The following GRM7 variants were observed in gnomAD, a reference collection of about 807,000 sequenced individuals.
GRM7 encodes the protein metabotropic glutamate receptor 7.
GRM7 carries 35 observed loss-of-function variants against 84.5 expected under a neutral mutation model. The observed-to-expected ratio is 0.41, with a 90% CI of 0.32 to 0.55. GRM7 has a LOEUF of 0.55. Among genes scored for constraint, GRM7 ranks in the 20% least tolerant of loss-of-function variants. The probability of loss-of-function intolerance (pLI) is 0.19; values close to 1 mark genes in which losing one functional copy is unlikely to be tolerated. For missense variants in GRM7, 1,003 were observed against 1,194.6 expected, an observed-to-expected ratio of 0.84 and a Z score of 2.36; for synonymous variants, 487 against 455.1, an observed-to-expected ratio of 1.07 and a Z score of -0.89.
intron 4 of GRM7, among the ~76,000 whole-genome samples, chr3:7,401,916 G>A (rs1695468916): frequency 6.6e-6 from 1 of 152,076 alleles, no homozygotes; most frequent in South Asian, 2.1e-4. Flanking sequence ...AAAAAGGAGG[G>A]GTGTTGATTT....
intron 4 of GRM7, among the ~76,000 whole-genome samples, chr3:7,324,080 A>G (rs1700888578): frequency 6.6e-6 from 1 of 152,142 alleles, no homozygotes; most frequent in Non-Finnish European, 1.5e-5. Context: ...CAAGGAAACC[A>G]GTACTGTGTG....
intron 1 of GRM7, among the ~76,000 whole-genome samples, chr3:6,882,347 T>A (rs1301952687): frequency 6.6e-6 from 1 of 152,160 alleles, no homozygotes; most frequent in African/African-American, 2.4e-5. Context: ...AAAAGTAGCA[T>A]AAACTCATTG....
At chr3:7,616,241 A>C (rs1697074448) in intron 8 of GRM7, among the ~76,000 whole-genome samples, 1 of 152,138 alleles carries the variant, frequency 6.6e-6, no homozygotes, top group Non-Finnish European at 1.5e-5. Flanking sequence ...AAGCTTCTTA[A>C]ATGAAAACTA....
intron 4 of GRM7, among the ~76,000 whole-genome samples, chr3:7,409,557 C>T (rs1695825641): frequency 6.6e-6 from 1 of 150,892 alleles, no homozygotes; most frequent in African/African-American, 2.5e-5. Flanking sequence ...GCTGCTTTCC[C>T]AACTTCTCTG....
chr3:7,014,211 C>T (rs1355467297), intron 1 of GRM7, among the ~76,000 whole-genome samples: 2 of 152,172 alleles, frequency 1.3e-5, no homozygotes, highest in African/African-American at 4.8e-5. Context: ...CTCTGGACAG[C>T]ATCATCACAA....
intron 8 of GRM7, among the ~76,000 whole-genome samples, chr3:7,606,616 C>G (rs982103539): frequency 6.6e-6 from 1 of 152,174 alleles, no homozygotes; most frequent in Non-Finnish European, 1.5e-5. Context: ...TCACTGCAAC[C>G]TCTGCCTCCT....
intron 7 of GRM7, among the ~76,000 whole-genome samples, chr3:7,574,352 G>A (rs372745316): frequency 2.0e-5 from 3 of 152,044 alleles, no homozygotes; most frequent in African/African-American, 7.2e-5. Context: ...TAGAGGCAGG[G>A]TTTCACTATG....
intron 8 of GRM7, among the ~76,000 whole-genome samples, chr3:7,656,577 A>ACACACC (rs71043685): frequency 6.6e-6 from 1 of 150,876 alleles, no homozygotes; most frequent in Non-Finnish European, 1.5e-5. Flanking sequence ...ACACACACAC[A>ACACACC]AAGTGTGCTG....
chr3:6,946,409 A>G (rs1024037582), intron 1 of GRM7, among the ~76,000 whole-genome samples: 1 of 152,084 alleles, frequency 6.6e-6, no homozygotes, highest in Non-Finnish European at 1.5e-5. Context: ...GTTATGTTCC[A>G]TTGGTCTATA....
intron 1 of GRM7, among the ~76,000 whole-genome samples, chr3:6,964,305 T>A (rs539116877): frequency 4.5e-4 from 68 of 152,244 alleles, no homozygotes; most frequent in African/African-American, 1.6e-3. Flanking sequence ...AGGGCCCTTT[T>A]CTGAGTTGCA....
At chr3:7,272,293 A>C (rs1194422915) in intron 2 of GRM7, among the ~76,000 whole-genome samples, 1 of 152,136 alleles carries the variant, frequency 6.6e-6, no homozygotes, top group African/African-American at 2.4e-5. Flanking sequence ...CATTTTCCAC[A>C]AGAGTAACTG....
intron 2 of GRM7, among the ~76,000 whole-genome samples, chr3:7,184,948 A>G (rs1340340384): frequency 1.3e-5 from 2 of 152,180 alleles, no homozygotes; most frequent in Non-Finnish European, 1.5e-5. Context: ...GGCAAATTTT[A>G]TTATTTTCTG....
At chr3:7,347,651 A>G (rs1289474099) in intron 4 of GRM7, among the ~76,000 whole-genome samples, 1 of 152,168 alleles carries the variant, frequency 6.6e-6, no homozygotes, top group East Asian at 1.9e-4. Flanking sequence ...AGGCTTTCCC[A>G]AATTTGCCTT....
intron 1 of GRM7, among the ~76,000 whole-genome samples, chr3:6,947,430 T>G (rs1419006521): frequency 1.1e-4 from 16 of 152,226 alleles, no homozygotes; most frequent in Admixed American, 1.0e-3. Context: ...ATAAGCTTTT[T>G]GATGTGCTGC....
At chr3:6,981,785 T>C (rs1026086589) in intron 1 of GRM7, among the ~76,000 whole-genome samples, 2 of 151,410 alleles carry the variant, frequency 1.3e-5, no homozygotes. Flanking sequence ...TATTAGAACA[T>C]CAAAAAAACA....
chr3:7,653,945 G>T (rs961704586), intron 8 of GRM7, among the ~76,000 whole-genome samples: 4 of 152,128 alleles, frequency 2.6e-5, no homozygotes, highest in Non-Finnish European at 1.5e-5. Context: ...AAATCCTGCT[G>T]GCACCCCTGC....
At chr3:7,187,743 T>C (rs1695570086) in intron 2 of GRM7, among the ~76,000 whole-genome samples, 1 of 152,190 alleles carries the variant, frequency 6.6e-6, no homozygotes, top group Non-Finnish European at 1.5e-5. Context: ...GGTCATTGGG[T>C]CATTGACATG....
intron 1 of GRM7, among the ~76,000 whole-genome samples, chr3:7,023,913 C>T (rs1030489408): frequency 6.6e-6 from 1 of 152,190 alleles, no homozygotes; most frequent in Non-Finnish European, 1.5e-5. Flanking sequence ...GATTCTATCG[C>T]TCTTCAGGGC....
At chr3:7,203,518 A>G (rs1331770936) in intron 2 of GRM7, among the ~76,000 whole-genome samples, 2 of 152,060 alleles carry the variant, frequency 1.3e-5, no homozygotes, top group Non-Finnish European at 2.9e-5. Context: ...GGTTGATTCC[A>G]TATCTTGGCT....
Sources: gnomAD v4.1 joint callset for allele counts (sites outside exome capture counted in the v4.1 genomes callset) on GRCh38, gnomAD v4.1.1 for gene constraint, MANE v1.5 for transcripts, NCBI Gene and HGNC (gene_info 2026-07-23, HGNC 2026-07-21) for gene names.